Variants in DSG3 observed in about 807,000 individuals in gnomAD.
DSG3 encodes the protein desmoglein-3.
DSG3 carries 63 observed loss-of-function variants against 85.9 expected under a neutral mutation model. That is an observed-to-expected ratio of 0.73 (90% CI 0.60 to 0.90). The LOEUF (loss-of-function observed/expected upper bound fraction) is 0.90. Among genes scored for constraint, DSG3 ranks in the 40% least tolerant of loss-of-function variants. DSG3 has a pLI of 0.00. For synonymous variants in DSG3, 447 were observed against 441.9 expected (o/e 1.01, Z -0.14); for missense variants, 1,220 against 1,219.9 (o/e 1.00, Z 0.00).
chr18:31,466,802 AT>A (rs926610966), intron 11 of DSG3, 48 bp downstream of exon 11: 2 of 1,514,696 alleles, frequency 1.3e-6, no homozygotes, highest in African/African-American at 2.8e-5. Flanking sequence ...GCTCCTTTGT[AT>A]TTCCAGAAGA....
chr18:31,459,378 G>A (rs1182704897), intron 5 of DSG3, among the ~76,000 whole-genome samples: 1 of 152,152 alleles, frequency 6.6e-6, no homozygotes, highest in African/African-American at 2.4e-5. Context: ...TGTATTTCTA[G>A]TTATAGTCTG....
At chr18:31,475,579 A>C (rs2072880931) in intron 15 of DSG3, 67 bp from the exon 16 acceptor site, 1 of 1,534,506 alleles carries the variant, frequency 6.5e-7, no homozygotes, top group Admixed American at 2.0e-5. Context: ...AGTTCTACAA[A>C]CAGTATTATA....
In DSG3 at chr18:31,476,401, T is replaced by G; in HGVS notation, c.*141T>G. 1 of 1,013,082 alleles carries G rather than the reference T, an allele frequency of 9.9e-7. No homozygotes were observed. The highest frequency in any genetic ancestry group is 1.4e-6 in the Non-Finnish European group (1 of 722,192). The allele number at this position is 1,013,082 out of a possible 1,614,324, so 62.8% of individuals were successfully genotyped here. A position where few individuals can be genotyped will look rare whatever the true frequency, so the allele number is the denominator to read the frequency against. ...CTCATAAACTGATCACGATTATAAATTAAATGTTTGGGTTCATACCCCAAA... is the reference window on the plus strand; with the variant it reads ...CTCATAAACTGATCACGATTATAAAGTAAATGTTTGGGTTCATACCCCAAA... On this transcript the variant is annotated 3_prime_UTR_variant, in exon 16 of 16. Coordinates refer to ENST00000257189, the MANE Select transcript of DSG3 (RefSeq NM_001944.3).
rs1373418048 is a variant in DSG3 at position 31,475,835 on chromosome 18, A to T, written c.2575A>T (p.Ile859Leu). ...LGPKFKKLAE[I>L]SLGVDGEGKE... ...ACCCAAATTTAAAAAACTTGCAGAG[A>T]TAAGCCTTGGTGTTGATGGTGAAGG... Residue 859 changes from isoleucine (I) to leucine (L), a missense_variant, in exon 16 of 16, where the codon ATA becomes TTA. By Grantham distance (5) the Ile-to-Leu change is conservative. Transcript: ENST00000257189. 10 of 1,614,086 alleles carry T rather than the reference A, an allele frequency of 6.2e-6. No homozygotes were observed. Among genetic ancestry groups the T allele is most frequent in the African/African-American group, 5.3e-5 (4 of 74,926 alleles).
chr18:31,457,145 C>A (rs780056768), intron 3 of DSG3, 21 bp downstream of exon 3: 3 of 1,590,924 alleles, frequency 1.9e-6, no homozygotes, highest in South Asian at 1.2e-5. Flanking sequence ...TCAACAGGAG[C>A]GTATGAGTTT....
At position 31,461,272 on chromosome 18, in the gene DSG3, C is replaced by T. The variant is rs1472943015; in HGVS notation, c.859C>T (p.Arg287Ter). The change falls in exon 8 of 16, where the codon CGA becomes TGA. Residue 287 changes from arginine (R) to a stop codon, truncating the protein, a stop_gained. Coordinates refer to ENST00000257189, the MANE Select transcript of DSG3 (RefSeq NM_001944.3). LOFTEE classifies it high-confidence loss of function. ...AAATATTTTAAGTTCTGAATTACTT[C>T]GATTTCAAGTAACAGATTTGGATGA... ...EENILSSELL[R>*]FQVTDLDEEY... is the part of the protein sequence containing the mutation. 9.9e-6 allele frequency: 16 copies of T among 1,613,466 alleles called. No individual in the cohort carries two copies. The East Asian group carries it at 2.9e-4, about 29-fold the overall frequency.
At chr18:31,461,103 G>C in intron 7 of DSG3, 124 bp from the exon 8 acceptor site, 2 of 1,239,754 alleles carry the variant, frequency 1.6e-6, no homozygotes, top group Non-Finnish European at 2.2e-6. Flanking sequence ...AAAAATATAA[G>C]AATTCAGTAA....
intron 11 of DSG3, 79 bp downstream of exon 11, chr18:31,466,833 AGC>A: frequency 7.6e-7 from 1 of 1,307,518 alleles, no homozygotes; most frequent in Non-Finnish European, 1.1e-6. Context: ...ATCATTTAAG[AGC>A]AGGTCCTTCC....
chr18:31,465,417 A>G lies in DSG3; in HGVS notation c.1371A>G (p.Ile457Met), dbSNP rs755211881. 2.6e-6 allele frequency: 4 copies of G among 1,541,556 alleles called. No individual in the cohort carries two copies. Among genetic ancestry groups the G allele is most frequent in the South Asian group, 2.7e-5 (2 of 74,516 alleles). The change falls in exon 10 of 16, where the codon ATA becomes ATG. Residue 457 changes from isoleucine (I) to methionine (M), a missense_variant. Physicochemically the swap from Ile to Met is conservative, Grantham distance 10. Coordinates refer to ENST00000257189, the MANE Select transcript of DSG3 (RefSeq NM_001944.3). ...ATATGAACCGAGATTCTACTTTCAT[A>G]GTTAACAAAACAATCACAGCTGAGG... The part of the protein sequence containing the change: ...VKNMNRDSTF[I>M]VNKTITAEVL...
At chr18:31,466,130 A>G (rs2072816957) in intron 10 of DSG3, among the ~76,000 whole-genome samples, 1 of 152,150 alleles carries the variant, frequency 6.6e-6, no homozygotes, top group Non-Finnish European at 1.5e-5. Flanking sequence ...GAGTAATAAA[A>G]ATATACAATT....
chr18:31,462,965 A>T (rs1384393902), intron 8 of DSG3, among the ~76,000 whole-genome samples: 1 of 152,204 alleles, frequency 6.6e-6, no homozygotes, highest in African/African-American at 2.4e-5. Flanking sequence ...TTCCCTTGAC[A>T]GTAAGGGTGT....
In DSG3 at chr18:31,463,721, CT is replaced by C. The variant is rs557926261; in HGVS notation, c.1000-382del. 8.6e-5 allele frequency among the ~76,000 whole-genome samples: 13 copies of C among 151,962 alleles called. No individual in the cohort carries two copies. In the East Asian group the frequency reaches 1.9e-3, roughly 23 times the overall value. On this transcript the variant is annotated intron_variant, in intron 8 of 15. Coordinates refer to ENST00000257189, the MANE Select transcript of DSG3 (RefSeq NM_001944.3). ...CTCACTACACCCTGATGAGGTAAGG[CT>C]TTTTTTTCAGAAGTGGAGAGTTGAG...
At chr18:31,449,442 T>C (rs2072698039) in intron 1 of DSG3, among the ~76,000 whole-genome samples, 1 of 152,134 alleles carries the variant, frequency 6.6e-6, no homozygotes, top group Admixed American at 6.5e-5. Context: ...GGACATAGGA[T>C]TGGGCCACCA....
rs112576332 is a variant in DSG3, at chr18:31,454,243, A to G, written c.49-2197A>G. 7.4e-3 allele frequency among the ~76,000 whole-genome samples: 1,128 copies of G among 152,290 alleles called. 13 individuals carry two copies. Among genetic ancestry groups the G allele is most frequent in the African/African-American group, 0.026 (1,072 of 41,548 alleles). ...GGATGACTCTCCAGTTTTCCTGTAA[A>G]GGGGAGCCTGCCTGGCCCATCCCTC... On this transcript the variant is annotated intron_variant, in intron 1 of 15. Coordinates refer to ENST00000257189, the MANE Select transcript of DSG3 (RefSeq NM_001944.3).
At chr18:31,450,229 G>A (rs1487866260) in intron 1 of DSG3, among the ~76,000 whole-genome samples, 1 of 152,144 alleles carries the variant, frequency 6.6e-6, no homozygotes, top group Non-Finnish European at 1.5e-5. Flanking sequence ...AGCTGATTTG[G>A]GATAAGTATA....
rs774182812 is a variant in DSG3, at chr18:31,460,024, A to G, written c.684+13A>G. 8.1e-6 allele frequency: 13 copies of G among 1,600,994 alleles called. No individual in the cohort carries two copies. The East Asian group carries it at 2.7e-4, about 33-fold the overall frequency. On this transcript the variant is annotated intron_variant, in intron 6 of 15. Transcript: ENST00000257189. The stretch of plus-strand genomic sequence containing the variant: ...TCTTGACCGAGAGGTACAGCAAAGC[A>G]CTTGGGGGAACATTCAAGATTAAAG...
chr18:31,451,033 A>G (rs951948220), intron 1 of DSG3, among the ~76,000 whole-genome samples: 4 of 152,150 alleles, frequency 2.6e-5, no homozygotes, highest in Admixed American at 1.3e-4. Context: ...TAAAAGCTAT[A>G]TTTGGGAGGA....
chr18:31,469,645 T>C (rs888019772), intron 12 of DSG3, among the ~76,000 whole-genome samples: 2 of 152,176 alleles, frequency 1.3e-5, no homozygotes, highest in Admixed American at 6.5e-5. Context: ...GTAATGTTCA[T>C]GGTCAAAATT....
In DSG3 at chr18:31,477,312, TGTTA is replaced by T. The variant is rs1022885059; in HGVS notation, c.*1055_*1058del. On this transcript the variant is annotated 3_prime_UTR_variant, in exon 16 of 16. Coordinates refer to ENST00000257189, the MANE Select transcript of DSG3 (RefSeq NM_001944.3). ...CTACACGTCTCAGTAACAGATCCTG[TGTTA>T]GTCTTTGAAAATAGCTCATTTTTTA... 1 of 152,236 alleles carries T rather than the reference TGTTA, an allele frequency of 6.6e-6. No individual in the cohort carries two copies. Among genetic ancestry groups the T allele is most frequent in the East Asian group, 1.9e-4 (1 of 5,194 alleles). The allele number at this position is 152,236 out of a possible 1,614,324, so 9.4% of individuals were successfully genotyped here.
Sources: gnomAD v4.1 joint callset for allele counts (sites outside exome capture counted in the v4.1 genomes callset) on GRCh38, gnomAD v4.1.1 for gene constraint, MANE v1.5 for transcripts, NCBI Gene and HGNC (gene_info 2026-07-23, HGNC 2026-07-21) for gene names.